Variants in ERI3 observed in about 807,000 individuals in gnomAD.
The protein encoded by ERI3 is ERI1 exoribonuclease family member 3.
Under a neutral mutation model 44.4 loss-of-function variants are expected in ERI3, and 18 were observed. That is an observed-to-expected ratio of 0.41 (90% CI 0.28 to 0.60). The LOEUF is 0.60. Among genes scored for constraint, ERI3 ranks in the 20% least tolerant of loss-of-function variants. The probability of loss-of-function intolerance (pLI) is 0.36; values close to 1 mark genes in which losing one functional copy is unlikely to be tolerated. For synonymous variants in ERI3, 183 were observed against 164.8 expected (o/e 1.11, Z -0.84); for missense variants, 294 against 435.5 (o/e 0.68, Z 2.89).
chr1:44,311,282 G>C (rs189818406), intron 5 of ERI3, among the ~76,000 whole-genome samples: 1 of 152,110 alleles, frequency 6.6e-6, no homozygotes, highest in Admixed American at 6.5e-5. Flanking sequence ...TGGAATCTTA[G>C]GACCCCGGCC....
intron 2 of ERI3, among the ~76,000 whole-genome samples, chr1:44,341,131 A>T (rs1646644701): frequency 6.6e-6 from 1 of 152,226 alleles, no homozygotes; most frequent in African/African-American, 2.4e-5. Flanking sequence ...TCTACCAAAT[A>T]CTATAAGCAA....
At chr1:44,299,717 T>C (rs752296205) in intron 6 of ERI3, among the ~76,000 whole-genome samples, 4 of 151,142 alleles carry the variant, frequency 2.6e-5, no homozygotes, top group Non-Finnish European at 5.9e-5. Context: ...TACAAAAGAG[T>C]AGAGCCCGGG....
rs75721927 is a variant in ERI3 at position 44,261,658 on chromosome 1, C to A, written c.832-13620G>T. On this transcript the variant is annotated intron_variant, in intron 7 of 8. Coordinates refer to ENST00000372257, the MANE Select transcript of ERI3 (RefSeq NM_024066.3). ...CTGCGCCCCGCTATGCGCTCCGCTCCGTCCCCAAAGAGAAAGAAAGGCTCG... is the reference window on the plus strand; with the variant it reads ...CTGCGCCCCGCTATGCGCTCCGCTCAGTCCCCAAAGAGAAAGAAAGGCTCG... 2.0e-5 allele frequency among the ~76,000 whole-genome samples: 3 copies of A among 152,370 alleles called. 1 individual carries two copies. Among genetic ancestry groups the A allele is most frequent in the African/African-American group, 4.8e-5 (2 of 41,588 alleles).
At chr1:44,243,332 C>T (rs1415564610) in intron 8 of ERI3, 1 of 152,230 alleles carries the variant, frequency 6.6e-6, no homozygotes, top group Non-Finnish European at 1.5e-5. Flanking sequence ...TCCAGTTACT[C>T]TCCTAGCCAG....
chr1:44,227,402 G>A (rs1464089617), intron 8 of ERI3, among the ~76,000 whole-genome samples: 4 of 152,068 alleles, frequency 2.6e-5, no homozygotes, highest in Admixed American at 1.3e-4. Flanking sequence ...GTGTGTCCAC[G>A]TTCTAGAACC....
intron 7 of ERI3, among the ~76,000 whole-genome samples, chr1:44,259,904 T>TAGATAGATAGAC (rs1644858091): frequency 6.7e-6 from 1 of 148,792 alleles, no homozygotes; most frequent in East Asian, 2.0e-4. Context: ...GATAGATAGA[T>TAGATAGATAGAC]AGATAGATAG....
Position 44,352,894 on chromosome 1 carries a change from G to T in ERI3, c.167C>A (p.Ser56Ter), listed in dbSNP as rs201922019. ...HWGFPALTEP[S>*]ASPAAGLGIF... is the part of the protein sequence containing the mutation. ...GCCAAGACCGGCAGCTGGGGATGCTGAAGGTTCTGTGAGAGCTGGAAAGCC... is the reference window on the plus strand; with the variant it reads ...GCCAAGACCGGCAGCTGGGGATGCTTAAGGTTCTGTGAGAGCTGGAAAGCC... Residue 56 changes from serine to a stop codon, truncating the protein, a stop_gained, in exon 2 of 9, where the codon TCA (serine) becomes TAA (stop). Coordinates refer to ENST00000372257, the MANE Select transcript of ERI3 (RefSeq NM_024066.3). LOFTEE classifies it high-confidence loss of function. 1.2e-6 allele frequency: 2 copies of T among 1,614,048 alleles called. No homozygotes were observed. The highest frequency in any genetic ancestry group is 1.7e-6 in the Non-Finnish European group (2 of 1,180,038).
At chr1:44,327,684 G>C (rs1411405550) in intron 3 of ERI3, among the ~76,000 whole-genome samples, 1 of 152,172 alleles carries the variant, frequency 6.6e-6, no homozygotes. Flanking sequence ...CATCAGAACA[G>C]CGTCTACCTC....
rs187992303 is a variant in ERI3 at position 44,251,655 on chromosome 1, G to A, written c.832-3617C>T. Among the ~76,000 whole-genome samples the A allele has an allele frequency of 3.9e-5, 6 of 152,314 alleles. No individual in the cohort carries two copies. The East Asian group carries it at 1.2e-3, about 29-fold the overall frequency. ...GGACGGTTTGACAGGTGGCAGGGGA[G>A]TACAACATTCCAGACAGAAGGCACA... On this transcript the variant is annotated intron_variant, in intron 7 of 8. Transcript: ENST00000372257.
intron 7 of ERI3, among the ~76,000 whole-genome samples, chr1:44,273,173 G>A (rs965344616): frequency 2.0e-5 from 3 of 152,226 alleles, no homozygotes; most frequent in Non-Finnish European, 4.4e-5. Context: ...AAGGTCAACA[G>A]CAGCAATAGG....
At chr1:44,329,466 C>G (rs1646384544) in intron 3 of ERI3, among the ~76,000 whole-genome samples, 1 of 152,200 alleles carries the variant, frequency 6.6e-6, no homozygotes, top group African/African-American at 2.4e-5. Flanking sequence ...TCAGCCCTAC[C>G]CACCCATCTG....
intron 2 of ERI3, among the ~76,000 whole-genome samples, chr1:44,340,367 C>T (rs1024870349): frequency 1.3e-5 from 2 of 152,172 alleles, no homozygotes; most frequent in African/African-American, 4.8e-5. Flanking sequence ...CAACTTTAAT[C>T]CTCAAATAAG....
intron 3 of ERI3, among the ~76,000 whole-genome samples, chr1:44,327,849 A>G (rs1404389342): frequency 1.3e-5 from 2 of 152,184 alleles, no homozygotes; most frequent in Non-Finnish European, 2.9e-5. Context: ...GACAAAGACC[A>G]TTTTTCAAAC....
intron 6 of ERI3, among the ~76,000 whole-genome samples, chr1:44,288,151 C>G (rs909921431): frequency 4.3e-5 from 1 of 23,070 alleles, no homozygotes; most frequent in African/African-American, 7.1e-5. Flanking sequence ...GAGGACAGAC[C>G]AGACAGTCAG....
chr1:44,346,583 G>T (rs1022033266), intron 2 of ERI3, among the ~76,000 whole-genome samples: 1 of 152,112 alleles, frequency 6.6e-6, no homozygotes, highest in Non-Finnish European at 1.5e-5. Flanking sequence ...TGGAGGGCAG[G>T]GTATGGTAGC....
At chr1:44,277,365 C>T (rs1645200726) in intron 7 of ERI3, among the ~76,000 whole-genome samples, 1 of 152,172 alleles carries the variant, frequency 6.6e-6, no homozygotes, top group Admixed American at 6.5e-5. Context: ...TCTAATAGAT[C>T]CTACAGAAAA....
rs537784683 is a variant in ERI3, at chr1:44,339,424, C to A, written c.212-102G>T. On this transcript the variant is annotated intron_variant, in intron 2 of 8. Coordinates refer to ENST00000372257, the MANE Select transcript of ERI3 (RefSeq NM_024066.3). ...TACTCCCTCCCACTGTGGCCCTGTT[C>A]CATCTAGTCTTCAGGAATATCCACG... 5.5e-6 allele frequency: 7 copies of A among 1,272,720 alleles called. No homozygotes were observed. In the East Asian group the frequency reaches 7.8e-5, roughly 14 times the overall value. The allele number at this position is 1,272,720 out of a possible 1,614,324, so 78.8% of individuals were successfully genotyped here.
At chr1:44,238,981 A>G (rs927572714) in intron 8 of ERI3, among the ~76,000 whole-genome samples, 2 of 151,970 alleles carry the variant, frequency 1.3e-5, no homozygotes, top group Admixed American at 1.3e-4. Flanking sequence ...GGAAGAAATG[A>G]GCTAACATTT....
intron 3 of ERI3, among the ~76,000 whole-genome samples, chr1:44,338,465 T>A (rs867287548): frequency 6.6e-6 from 1 of 151,664 alleles, no homozygotes; most frequent in Admixed American, 6.5e-5. Flanking sequence ...CCTACACACA[T>A]GTGCCTCTCC....
Sources: allele counts gnomAD v4.1 joint callset (sites outside exome capture counted in the v4.1 genomes callset), GRCh38; gene constraint gnomAD v4.1.1; transcripts MANE v1.5; gene names NCBI Gene and HGNC (gene_info 2026-07-23, HGNC 2026-07-21).